The following MECOM variants were observed in gnomAD, a reference collection of about 807,000 sequenced individuals.
MECOM encodes the protein MDS1 and EVI1 complex locus, also known as histone-lysine N-methyltransferase MECOM.
Under a neutral mutation model 116.3 loss-of-function variants are expected in MECOM, and 13 were observed. That is an observed-to-expected ratio of 0.11 (90% CI 0.07 to 0.18). MECOM has a LOEUF of 0.18. Ranked by LOEUF, MECOM falls within the 10% of genes least tolerant of loss-of-function variation. The pLI is 1.00. For missense variants in MECOM, 1,299 were observed against 1,509.0 expected (o/e 0.86, Z 2.31); for synonymous variants, 528 against 535.2 (o/e 0.99, Z 0.19).
At chr3:169,134,039 T>C (rs1735591135) in intron 3 of MECOM, 2 of 939,322 alleles carry the variant, frequency 2.1e-6, no homozygotes, top group Admixed American at 4.7e-5. Context: ...AAAGAGACAA[T>C]ACCCTACAAG....
At chr3:169,537,626 C>T (rs901996932) in intron 1 of MECOM, among the ~76,000 whole-genome samples, 2 of 151,958 alleles carry the variant, frequency 1.3e-5, no homozygotes, top group African/African-American at 2.4e-5. Context: ...TAACGGTCAT[C>T]CCCTTAGCCC....
At chr3:169,521,682 G>A (rs141851135) in intron 1 of MECOM, among the ~76,000 whole-genome samples, 7 of 152,292 alleles carry the variant, frequency 4.6e-5, no homozygotes, top group African/African-American at 1.7e-4. Context: ...GAGAAACTCT[G>A]TTGGTCAGAC....
chr3:169,543,352 C>T (rs1308094755), intron 1 of MECOM, among the ~76,000 whole-genome samples: 4 of 152,190 alleles, frequency 2.6e-5, no homozygotes, highest in Non-Finnish European at 5.9e-5. Flanking sequence ...AGGCAGAGGA[C>T]GGCTTGAGGC....
At chr3:169,215,138 T>G (rs369565520) in intron 2 of MECOM, among the ~76,000 whole-genome samples, 1 of 151,004 alleles carries the variant, frequency 6.6e-6, no homozygotes, top group Non-Finnish European at 1.5e-5. Flanking sequence ...ATTCCTCAGA[T>G]TAAACTCCTC....
At chr3:169,142,053 T>C (rs1577140829) in intron 3 of MECOM, among the ~76,000 whole-genome samples, 1 of 152,070 alleles carries the variant, frequency 6.6e-6, no homozygotes, top group East Asian at 1.9e-4. Flanking sequence ...TATGGTAAAA[T>C]TATAAATGCC....
Position 169,090,224 on chromosome 3 carries a change from A to G in MECOM, c.3177T>C (p.Ser1059=). Residue 1059 remains serine, a synonymous_variant, in exon 15 of 17, where the codon AGT becomes AGC. Transcript: ENST00000651503. ...CCAAAGCCTTTTCATCTTTAAAATG[A>G]CTGCCATTCATTCTTTCAAAAGCAT... The part of the protein sequence containing the change: ...PRNVEERMNG[S]HFKDEKALVT... The G allele has an allele frequency of 6.2e-7, 1 of 1,607,800 alleles. No homozygotes were observed. The highest frequency in any genetic ancestry group is 8.5e-7 in the Non-Finnish European group (1 of 1,178,256).
At chr3:169,422,855 T>A (rs2108513284) in intron 1 of MECOM, among the ~76,000 whole-genome samples, 1 of 152,194 alleles carries the variant, frequency 6.6e-6, no homozygotes, top group Middle Eastern at 3.4e-3. Context: ...AGATCTGTAT[T>A]TTTTTATATG....
intron 1 of MECOM, among the ~76,000 whole-genome samples, chr3:169,481,225 T>A (rs1257893836): frequency 1.3e-5 from 2 of 152,136 alleles, no homozygotes; most frequent in African/African-American, 4.8e-5. Flanking sequence ...TAGCTGTATA[T>A]CTTGGCATGT....
intron 2 of MECOM, among the ~76,000 whole-genome samples, chr3:169,161,180 C>A (rs1297945999): frequency 1.3e-5 from 2 of 152,140 alleles, no homozygotes; most frequent in African/African-American, 2.4e-5. Flanking sequence ...TGAAAAAAAT[C>A]TATTGTGTTG....
In MECOM at chr3:169,128,545, C is replaced by T. The variant is rs143643659; in HGVS notation, c.614-485G>A. Among the ~76,000 whole-genome samples the T allele has an allele frequency of 2.0e-3, 297 of 152,226 alleles. 2 individuals are homozygous for T. The highest frequency in any genetic ancestry group is 0.012 in the South Asian group (56 of 4,820). ...TTTGAAACCATTTCTATTCCATACACTTCTTATTATGCCAGTGCCATATTA... is the reference window on the plus strand; with the variant it reads ...TTTGAAACCATTTCTATTCCATACATTTCTTATTATGCCAGTGCCATATTA... On this transcript the variant is annotated intron_variant, in intron 4 of 16. Transcript: ENST00000651503.
chr3:169,424,258 C>T (rs1223327621), intron 1 of MECOM, among the ~76,000 whole-genome samples: 1 of 152,138 alleles, frequency 6.6e-6, no homozygotes, highest in Non-Finnish European at 1.5e-5. Flanking sequence ...GAGGTTTCGT[C>T]AAATTCCTAC....
intron 2 of MECOM, among the ~76,000 whole-genome samples, chr3:169,195,779 G>A (rs1748336172): frequency 6.6e-6 from 1 of 151,986 alleles, no homozygotes; most frequent in African/African-American, 2.4e-5. Flanking sequence ...TACTGGGATA[G>A]ACCAATTTCC....
chr3:169,627,533 A>C lies in MECOM; in HGVS notation c.37+35803T>G, dbSNP rs114903072. On this transcript the variant is annotated intron_variant, in intron 1 of 16. Coordinates refer to ENST00000651503, the MANE Select transcript of MECOM (RefSeq NM_004991.4). ...TACTTTAATCAGAGATGAACATGTT[A>C]CTTTTGAAATAAAATCTGAAATTGT... Among the ~76,000 whole-genome samples the C allele has an allele frequency of 6.5e-3, 989 of 152,342 alleles. 8 individuals carry two copies. Among genetic ancestry groups the C allele is most frequent in the African/African-American group, 0.023 (948 of 41,584 alleles).
At chr3:169,491,362 G>T (rs187731333) in intron 1 of MECOM, among the ~76,000 whole-genome samples, 4 of 152,188 alleles carry the variant, frequency 2.6e-5, no homozygotes, top group Middle Eastern at 3.4e-3. Context: ...GACTACAGAT[G>T]ATACTAGAAA....
rs181096383 is a variant in MECOM, at chr3:169,479,077, T to C, written c.38-97553A>G. ...CAAACATAATCCCTGTCTTTACTAA[T>C]ACTGTAGCCAGAAAGACAGACATTA... On this transcript the variant is annotated intron_variant, in intron 1 of 16. Transcript: ENST00000651503. 2.0e-5 allele frequency among the ~76,000 whole-genome samples: 3 copies of C among 152,274 alleles called. No individual in the cohort carries two copies. In the East Asian group the frequency reaches 5.8e-4, roughly 29 times the overall value.
intron 1 of MECOM, among the ~76,000 whole-genome samples, chr3:169,536,027 C>T (rs1230859893): frequency 6.6e-6 from 1 of 152,192 alleles, no homozygotes; most frequent in Admixed American, 6.5e-5. Flanking sequence ...CTATGCACTA[C>T]TGTTTCATTT....
At position 169,417,092 on chromosome 3, in the gene MECOM, C is replaced by A. The variant is rs530397267; in HGVS notation, c.38-35568G>T. 5.7e-3 allele frequency among the ~76,000 whole-genome samples: 853 copies of A among 150,512 alleles called. 6 individuals carry two copies. Among genetic ancestry groups the A allele is most frequent in the African/African-American group, 0.02 (806 of 40,960 alleles). On this transcript the variant is annotated intron_variant, in intron 1 of 16. Coordinates refer to ENST00000651503, the MANE Select transcript of MECOM (RefSeq NM_004991.4). ...ACACCAAAAGCAATGGCAACAAAAG[C>A]CAAAATTGACAAATGGGATCTAACT...
At chr3:169,472,503 G>GAAAAGAAAAGAAAAGA (rs1560317500) in intron 1 of MECOM, among the ~76,000 whole-genome samples, 1 of 82,850 alleles carries the variant, frequency 1.2e-5, no homozygotes, top group Non-Finnish European at 2.4e-5. Context: ...GAAAGGAAAG[G>GAAAAGAAAAGAAAAGA]AAAGGAAAGG....
At chr3:169,238,630 G>T (rs1754396929) in intron 2 of MECOM, among the ~76,000 whole-genome samples, 4 of 152,104 alleles carry the variant, frequency 2.6e-5, no homozygotes, top group African/African-American at 9.7e-5. Context: ...TCTTCCAAAG[G>T]TTTAGCTAAA....
Sources: gnomAD v4.1 joint callset for allele counts (sites outside exome capture counted in the v4.1 genomes callset) on GRCh38, gnomAD v4.1.1 for gene constraint, MANE v1.5 for transcripts, NCBI Gene and HGNC (gene_info 2026-07-23, HGNC 2026-07-21) for gene names.